Variants in CHD1L observed in about 807,000 individuals in gnomAD.
CHD1L encodes ATP-dependent chromatin remodeler CHD1L.
CHD1L carries 118 observed loss-of-function variants against 115.9 expected under a neutral mutation model. The observed-to-expected ratio is 1.02, with a 90% CI of 0.88 to 1.19. The LOEUF is 1.19. Among genes scored for constraint, CHD1L ranks in the 50% most tolerant of loss-of-function variants. The pLI is 0.00. For synonymous variants in CHD1L, 411 were observed against 387.1 expected (o/e 1.06, Z -0.72); for missense variants, 1,179 against 1,065.3 (o/e 1.11, Z -1.49).
the CHD1L span, among the ~76,000 whole-genome samples, chr1:147,189,189 G>A: frequency 2.0e-5 from 3 of 151,940 alleles, no homozygotes; most frequent in South Asian, 2.1e-4. Flanking sequence ...CAGGAGAATC[G>A]CTTGAACCCA....
chr1:147,286,838 T>C (rs1559885135), intron 18 of CHD1L, among the ~76,000 whole-genome samples: 1 of 152,054 alleles, frequency 6.6e-6, no homozygotes, highest in Non-Finnish European at 1.5e-5. Context: ...TTCAAGCTTG[T>C]TCCCTTGCTT....
At chr1:147,291,069 G>A (rs1685336535) in intron 19 of CHD1L, among the ~76,000 whole-genome samples, 1 of 152,154 alleles carries the variant, frequency 6.6e-6, no homozygotes, top group Non-Finnish European at 1.5e-5. Flanking sequence ...AGTTTTACTT[G>A]ATTTGGATGG....
At chr1:147,277,810 G>A (rs1553958954) in intron 14 of CHD1L, among the ~76,000 whole-genome samples, 2 of 152,170 alleles carry the variant, frequency 1.3e-5, no homozygotes, top group Non-Finnish European at 2.9e-5. Context: ...TCACTGCTGG[G>A]CATAGTGAAG....
the CHD1L span, among the ~76,000 whole-genome samples, chr1:147,208,286 A>G: frequency 6.6e-6 from 1 of 152,094 alleles, no homozygotes; most frequent in Non-Finnish European, 1.5e-5. Context: ...GTATCATGCA[A>G]AAAGAACTGA....
intron 1 of CHD1L, among the ~76,000 whole-genome samples, chr1:147,249,729 T>G (rs1019002223): frequency 6.6e-6 from 1 of 152,216 alleles, no homozygotes; most frequent in African/African-American, 2.4e-5. Flanking sequence ...TGCGGTTTAC[T>G]CAGTTTCTTG....
intron 17 of CHD1L, 95 bp downstream of exon 17, chr1:147,285,582 A>G (rs587731487): frequency 1.5e-6 from 2 of 1,337,160 alleles, no homozygotes; most frequent in East Asian, 2.4e-5. Context: ...AATACAGAAA[A>G]TTCATTTTAA....
the CHD1L span, among the ~76,000 whole-genome samples, chr1:147,177,505 A>C: frequency 0.29 from 43,340 of 152,054 alleles, 6,305 homozygotes; most frequent in African/African-American, 0.36. Flanking sequence ...AATGTTTTTC[A>C]AAGAGCGCAG....
chr1:147,193,248 G>T, the CHD1L span, among the ~76,000 whole-genome samples: 1 of 152,144 alleles, frequency 6.6e-6, no homozygotes, highest in Non-Finnish European at 1.5e-5. Flanking sequence ...GAGGGTGTAT[G>T]TGTTGAGGAA....
chr1:147,240,453 T>C (rs1000629045), upstream of CHD1L, among the ~76,000 whole-genome samples: 1 of 152,216 alleles, frequency 6.6e-6, no homozygotes, highest in African/African-American at 2.4e-5. Context: ...CCCCATGTGA[T>C]AGCCTGAAAT....
At chr1:147,217,677 C>A in the CHD1L span, among the ~76,000 whole-genome samples, 3 of 152,162 alleles carry the variant, frequency 2.0e-5, no homozygotes, top group African/African-American at 7.2e-5. Flanking sequence ...TTTCATAAGA[C>A]TCCTTTGAAG....
chr1:147,201,505 C>G, the CHD1L span: 4 of 1,605,348 alleles, frequency 2.5e-6, no homozygotes, highest in Middle Eastern at 1.7e-4. Flanking sequence ...ACTCAGAGCT[C>G]TGTGAGTCGT....
chr1:147,178,507 G>T, the CHD1L span: 1 of 1,611,744 alleles, frequency 6.2e-7, no homozygotes, highest in Admixed American at 1.7e-5. Flanking sequence ...GAAGAAGCAG[G>T]CAGGCCCAGC....
the CHD1L span, among the ~76,000 whole-genome samples, chr1:147,200,593 C>CT: frequency 0.92 from 137,807 of 149,876 alleles, 63,369 homozygotes; most frequent in East Asian, 0.98. Flanking sequence ...ACCTATTCCC[C>CT]TTTTTTTTTC....
the CHD1L span, chr1:147,187,058 C>T: frequency 6.2e-7 from 1 of 1,614,138 alleles, no homozygotes; most frequent in South Asian, 1.1e-5. Flanking sequence ...CGAGCCCCAT[C>T]CCACTTTCCA....
chr1:147,208,242 G>A, the CHD1L span, among the ~76,000 whole-genome samples: 1 of 152,036 alleles, frequency 6.6e-6, no homozygotes, highest in Non-Finnish European at 1.5e-5. Context: ...ATGAGTAAAT[G>A]ACGCACTGTC....
intron 6 of CHD1L, among the ~76,000 whole-genome samples, chr1:147,262,563 C>T (rs1342618826): frequency 5.9e-5 from 9 of 152,126 alleles, no homozygotes; most frequent in Admixed American, 1.3e-4. Context: ...CAGCTCTTTA[C>T]TTGGTGAACA....
At chr1:147,264,015 T>C (rs1456780286) in intron 6 of CHD1L, among the ~76,000 whole-genome samples, 1 of 152,202 alleles carries the variant, frequency 6.6e-6, no homozygotes, top group Non-Finnish European at 1.5e-5. Context: ...TGCTGTAGCG[T>C]TGGATTCTCA....
chr1:147,238,487 T>C (rs1307049699), upstream of CHD1L, among the ~76,000 whole-genome samples: 1 of 152,218 alleles, frequency 6.6e-6, no homozygotes. Context: ...GCATTAATCT[T>C]ATGGAGTTGC....
At chr1:147,183,415 TGAG>T in the CHD1L span, among the ~76,000 whole-genome samples, 1 of 152,226 alleles carries the variant, frequency 6.6e-6, no homozygotes, top group Non-Finnish European at 1.5e-5. Flanking sequence ...CTTAACTTAC[TGAG>T]GTCTTACTAT....
Sources: gnomAD v4.1 joint callset for allele counts (sites outside exome capture counted in the v4.1 genomes callset) on GRCh38, gnomAD v4.1.1 for gene constraint, MANE v1.5 for transcripts, NCBI Gene and HGNC (gene_info 2026-07-23, HGNC 2026-07-21) for gene names.